The following CRB2 variants were observed in gnomAD, a reference collection of about 807,000 sequenced individuals.
The protein encoded by CRB2 is crumbs cell polarity complex component 2.
A neutral mutation model predicts 110.9 loss-of-function variants in CRB2; 85 were observed. The observed-to-expected ratio is 0.77, with a 90% confidence interval of 0.64 to 0.92. CRB2 has a LOEUF of 0.92. CRB2 is among the 40% of genes least tolerant of loss of function. The pLI, the probability that CRB2 is intolerant of heterozygous loss-of-function variation, is 0.00. For missense variants in CRB2, 1,843 were observed against 1,851.3 expected, an observed-to-expected ratio of 1.00 and a Z score of 0.08; for synonymous variants, 907 against 831.0, an observed-to-expected ratio of 1.09 and a Z score of -1.57.
intron 9 of CRB2, 145 bp downstream of exon 9, chr9:123,372,487 G>T: frequency 9.7e-7 from 1 of 1,029,298 alleles, no homozygotes. Context: ...ACCGCATGTA[G>T]AGGGACAGAG....
chr9:123,373,998 T>A, intron 10 of CRB2, 78 bp downstream of exon 10: 2 of 1,522,350 alleles, frequency 1.3e-6, no homozygotes, highest in Non-Finnish European at 1.8e-6. Context: ...GCCAGGTCTG[T>A]GGATGAGTCG....
At chr9:123,369,364 C>A (rs891151215) in intron 6 of CRB2, among the ~76,000 whole-genome samples, 1 of 152,200 alleles carries the variant, frequency 6.6e-6, no homozygotes, top group African/African-American at 2.4e-5. Flanking sequence ...CCCTGAAGAT[C>A]TCAGCTGAGT....
intron 4 of CRB2, 143 bp from the exon 5 acceptor site, chr9:123,367,029 C>G: frequency 1.3e-6 from 1 of 743,768 alleles, no homozygotes; most frequent in Non-Finnish European, 2.1e-6. Context: ...GTCATTCCTG[C>G]GGCCCTTAGT....
chr9:123,365,544 A>G (rs938765832), intron 2 of CRB2, among the ~76,000 whole-genome samples: 1 of 152,284 alleles, frequency 6.6e-6, no homozygotes, highest in Non-Finnish European at 1.5e-5. Context: ...TGAATCCTTC[A>G]AAAGCCTCTT....
In CRB2 at chr9:123,378,101, C is replaced by T. The variant is rs1364770740; in HGVS notation, c.*1039C>T. On this transcript the variant is annotated 3_prime_UTR_variant, in exon 13 of 13. Transcript: ENST00000373631. ...GTGAGCTCACTCCTTCCCCTGATGACTGGCTGCCTCTACACAGACTCGGCG... is the reference window on the plus strand; with the variant it reads ...GTGAGCTCACTCCTTCCCCTGATGATTGGCTGCCTCTACACAGACTCGGCG... 6.6e-6 allele frequency: 1 copy of T among 152,474 alleles called. No homozygotes were observed. The highest frequency in any genetic ancestry group is 1.9e-4 in the East Asian group (1 of 5,196). The allele number at this position is 152,474 out of a possible 1,614,324, so 9.4% of individuals were successfully genotyped here.
intron 2 of CRB2, 136 bp downstream of exon 2, chr9:123,363,324 C>G (rs1033171877): frequency 7.6e-6 from 7 of 916,064 alleles, no homozygotes; most frequent in Admixed American, 2.6e-5. Flanking sequence ...TAGGGTATAT[C>G]CACTTGGTCT....
chr9:123,365,184 A>G (rs887089801), intron 2 of CRB2, among the ~76,000 whole-genome samples: 4 of 152,162 alleles, frequency 2.6e-5, no homozygotes, highest in African/African-American at 9.7e-5. Flanking sequence ...AATCACTTGA[A>G]CCCAGTGGGC....
intron 10 of CRB2, among the ~76,000 whole-genome samples, chr9:123,374,362 C>T (rs1432982425): frequency 6.6e-6 from 1 of 152,170 alleles, no homozygotes; most frequent in Non-Finnish European, 1.5e-5. Flanking sequence ...TGTTCAGAGT[C>T]CTTACACTTT....
At chr9:123,354,109 C>T (rs116751479), upstream of CRB2, among the ~76,000 whole-genome samples, 2,604 of 152,316 alleles carry the variant, frequency 0.017, 66 homozygotes, top group African/African-American at 0.06. Flanking sequence ...GTCTGACCTC[C>T]GTCCTGCCTG....
intron 12 of CRB2, among the ~76,000 whole-genome samples, chr9:123,375,789 G>T (rs1187478239): frequency 1.3e-5 from 2 of 151,932 alleles, no homozygotes; most frequent in African/African-American, 4.8e-5. Flanking sequence ...AGCAGGCTCG[G>T]CCCGCTGTGC....
rs753888246 is a variant in CRB2 at position 123,375,292 on chromosome 9, G to A, written c.3582G>A (p.Val1194=). ...GCACCTGCCGGGCAGCTGGAGGGGTGTCTGAATGTATCTGCAATGCCAGAT... is the reference window on the plus strand; with the variant it reads ...GCACCTGCCGGGCAGCTGGAGGGGTATCTGAATGTATCTGCAATGCCAGAT... ...NGGTCRAAGG[V]SECICNARFS... The change falls in exon 12 of 13, where the codon GTG becomes GTA. Residue 1194 remains valine, a synonymous_variant. Coordinates refer to ENST00000373631, the MANE Select transcript of CRB2 (RefSeq NM_173689.7). 19 of 1,611,584 alleles carry A rather than the reference G, an allele frequency of 1.2e-5. No homozygotes were observed. The highest frequency in any genetic ancestry group is 1.0e-4 in the Admixed American group (6 of 59,744).
At chr9:123,374,288 C>T (rs2042069505) in intron 10 of CRB2, among the ~76,000 whole-genome samples, 1 of 152,044 alleles carries the variant, frequency 6.6e-6, no homozygotes, top group South Asian at 2.1e-4. Context: ...GGGGATCTGG[C>T]TGTGGCCTGA....
In CRB2 at chr9:123,372,259, C is replaced by G. The variant is rs61740212; in HGVS notation, c.2519C>G (p.Pro840Arg). The change falls in exon 9 of 13, where the codon CCT becomes CGT. Residue 840 changes from proline (P) to arginine (R), a missense_variant. Physicochemically the swap from Pro to Arg is moderately radical, Grantham distance 103. Transcript: ENST00000373631. ...HCTCPANFTG[P>R]TCAQQLWCPG... The stretch of plus-strand genomic sequence containing the variant: ...ACCTGCCCTGCCAATTTCACGGGGC[C>G]TACGTGTGCCCAGCAGCTGTGGTGT... 241 of 1,614,020 alleles carry G rather than the reference C, an allele frequency of 1.5e-4. 1 individual carries two copies. In the African/African-American group the frequency reaches 2.7e-3, roughly 18 times the overall value.
rs140535484 is a variant in CRB2, at chr9:123,361,140, G to C, written c.95-1725G>C. ...GCTTCAGATTGGATGGGCGGGGAGGGGGGGGGGTTCCTTGCACTGCACAGG... is the reference window on the plus strand; with the variant it reads ...GCTTCAGATTGGATGGGCGGGGAGGCGGGGGGGTTCCTTGCACTGCACAGG... On this transcript the variant is annotated intron_variant, in intron 1 of 12. Coordinates refer to ENST00000373631, the MANE Select transcript of CRB2 (RefSeq NM_173689.7). Among the ~76,000 whole-genome samples the C allele has an allele frequency of 2.9e-4, 22 of 76,462 alleles. 1 individual carries two copies. Among genetic ancestry groups the C allele is most frequent in the African/African-American group, 4.2e-4 (12 of 28,302 alleles). The allele number at this position is 76,462 out of a possible 152,430, so 50.2% of individuals were successfully genotyped here. A position where few individuals can be genotyped will look rare whatever the true frequency, so the allele number is the denominator to read the frequency against.
rs777846457 is a variant in CRB2 at position 123,370,144 on chromosome 9, C to T, written c.1091C>T (p.Ser364Leu). 122 of 1,602,556 alleles carry T rather than the reference C, an allele frequency of 7.6e-5. No individual in the cohort carries two copies. The highest frequency in any genetic ancestry group is 1.0e-4 in the Non-Finnish European group (121 of 1,173,230). ...GAGGAAGATGTGGATGAATGCCTGT[C>T]GGATCCCTGCCTGCACGGCGGAACC... The part of the protein sequence containing the change: ...TCEEDVDECL[S>L]DPCLHGGTCS... Residue 364 changes from serine to leucine, a missense_variant, in exon 7 of 13, where the codon TCG (serine) becomes TTG (leucine). Coordinates refer to ENST00000373631, the MANE Select transcript of CRB2 (RefSeq NM_173689.7).
At chr9:123,365,454 C>T (rs1018835161) in intron 2 of CRB2, among the ~76,000 whole-genome samples, 2 of 152,178 alleles carry the variant, frequency 1.3e-5, no homozygotes, top group African/African-American at 4.8e-5. Context: ...CCGCCTAGGG[C>T]ATCATGGCCC....
upstream of CRB2, chr9:123,356,136 G>C (rs1383383813): frequency 1.8e-6 from 1 of 558,736 alleles, no homozygotes; most frequent in Non-Finnish European, 2.9e-6. Context: ...TGGCGGGGAG[G>C]GGAGGGAGGG....
Position 123,368,993 on chromosome 9 carries a change from G to A in CRB2, c.1055-1115G>A, listed in dbSNP as rs781289236. On this transcript the variant is annotated intron_variant, in intron 6 of 12. Coordinates refer to ENST00000373631, the MANE Select transcript of CRB2 (RefSeq NM_173689.7). ...GGGCAGGGGGAGGTTGGTGGGTGGTGGTTCCTAGGAAGAGGCTGTGGTGTT... is the reference window on the plus strand; with the variant it reads ...GGGCAGGGGGAGGTTGGTGGGTGGTAGTTCCTAGGAAGAGGCTGTGGTGTT... 1.7e-5 allele frequency: 20 copies of A among 1,170,092 alleles called. No individual in the cohort carries two copies. The Middle Eastern group carries it at 9.5e-4, about 56-fold the overall frequency. 72.5% of individuals were successfully genotyped at this position (1,170,092 alleles called of 1,614,324 possible). A position where few individuals can be genotyped will look rare whatever the true frequency, so the allele number is the denominator to read the frequency against.
chr9:123,367,961 G>A (rs1276191710), intron 6 of CRB2, among the ~76,000 whole-genome samples: 9 of 152,002 alleles, frequency 5.9e-5, no homozygotes, highest in African/African-American at 1.7e-4. Flanking sequence ...GACGGAGGTG[G>A]TTCAGCCAGG....
Sources: gnomAD v4.1 joint callset for allele counts (sites outside exome capture counted in the v4.1 genomes callset) on GRCh38, gnomAD v4.1.1 for gene constraint, MANE v1.5 for transcripts, NCBI Gene and HGNC (gene_info 2026-07-23, HGNC 2026-07-21) for gene names.